Variants in RAPGEF1 observed in about 807,000 individuals in gnomAD.
RAPGEF1 encodes CRK SH3-binding GNRP.
Under a neutral mutation model 143.3 loss-of-function variants are expected in RAPGEF1, and 33 were observed. The observed-to-expected ratio is 0.23, with a 90% CI of 0.17 to 0.31. The LOEUF (loss-of-function observed/expected upper bound fraction) is 0.31, where lower values mean the gene tolerates loss of function less well. Ranked by LOEUF, RAPGEF1 falls within the 10% of genes least tolerant of loss-of-function variation. RAPGEF1 has a pLI of 1.00. For missense variants in RAPGEF1, 1,199 were observed against 1,645.4 expected, an observed-to-expected ratio of 0.73 and a Z score of 4.69; for synonymous variants, 629 against 676.5, an observed-to-expected ratio of 0.93 and a Z score of 1.09.
At position 131,650,861 on chromosome 9, in the gene RAPGEF1, C is replaced by G; in HGVS notation, c.150G>C (p.Lys50Asn). The change falls in exon 2 of 27, where the codon AAG (lysine) becomes AAC (asparagine). Residue 50 changes from lysine to asparagine, a missense_variant. Physicochemically the swap from Lys to Asn is moderately conservative, Grantham distance 94 (BLOSUM62 0). This residue lies in a region of RAPGEF1 where 613 missense variants were observed against 710.9 expected (regional missense o/e 0.86). Transcript: ENST00000683357. This position sits in a 1 kb window ranked among gnomAD's most constrained non-coding sequence, Gnocchi z 4.7. ...SPKIKRTPSK[K>N]GKPAEVSVKI... Reference sequence around the variant, plus strand: ...TTACGGACACCTCAGCTGGTTTTCCCTTCTTTGATGGCGTTCTCTTGATTT... The same window carrying G: ...TTACGGACACCTCAGCTGGTTTTCCGTTCTTTGATGGCGTTCTCTTGATTT... 6.2e-7 allele frequency: 1 copy of G among 1,613,962 alleles called. No homozygotes were observed. Among genetic ancestry groups the G allele is most frequent in the Non-Finnish European group, 8.5e-7 (1 of 1,179,846 alleles).
At chr9:131,706,512 C>T (rs947293906) in intron 1 of RAPGEF1, among the ~76,000 whole-genome samples, 2 of 152,128 alleles carry the variant, frequency 1.3e-5, no homozygotes, top group East Asian at 3.9e-4. Context: ...TCAAGTGATC[C>T]GCCTGCCTCG....
intron 1 of RAPGEF1, among the ~76,000 whole-genome samples, chr9:131,713,177 C>T (rs1252090875): frequency 6.6e-6 from 1 of 152,166 alleles, no homozygotes; most frequent in Non-Finnish European, 1.5e-5. Flanking sequence ...CCAAGCCTTG[C>T]ACAAATACGC....
At chr9:131,665,063 T>C (rs1000123182) in intron 1 of RAPGEF1, among the ~76,000 whole-genome samples, 1 of 152,190 alleles carries the variant, frequency 6.6e-6, no homozygotes, top group African/African-American at 2.4e-5. Flanking sequence ...TGTCGGCATA[T>C]ACACAGTATA....
chr9:131,735,496 G>A (rs1015191811), intron 1 of RAPGEF1, among the ~76,000 whole-genome samples: 2 of 152,188 alleles, frequency 1.3e-5, no homozygotes, highest in Admixed American at 6.5e-5. Flanking sequence ...CAGGCAGCAC[G>A]ACATCTGCTG....
At chr9:131,604,873 C>T in intron 13 of RAPGEF1, 58 bp downstream of exon 13, 3 of 1,242,176 alleles carry the variant, frequency 2.4e-6, no homozygotes, top group Non-Finnish European at 3.1e-6. Flanking sequence ...AACGTGCAGC[C>T]CCATGTGCAG....
rs890694080 is a variant in RAPGEF1, at chr9:131,584,999, G to T, written c.3234-403C>A. On this transcript the variant is annotated intron_variant, in intron 22 of 26. Transcript: ENST00000683357. The surrounding 1 kb of genome is among the most constrained non-coding windows in gnomAD (Gnocchi z 6.8). ...AGACCCGCTAGCACGTGAGGTAAGA[G>T]GTCACCTTGGGCAGCCACGAGGGAA... 2.0e-5 allele frequency among the ~76,000 whole-genome samples: 3 copies of T among 152,172 alleles called. No individual in the cohort carries two copies. Among genetic ancestry groups the T allele is most frequent in the African/African-American group, 7.2e-5 (3 of 41,430 alleles).
At position 131,587,763 on chromosome 9, in the gene RAPGEF1, G is replaced by A. The variant is rs778299269; in HGVS notation, c.3206C>T (p.Thr1069Met). Reference protein sequence around the residue: ...EEKSPNLTQFTEHFNNMSYWV... With the variant: ...EEKSPNLTQFMEHFNNMSYWV... ...GTAGGACATGTTGTTGAAGTGCTCC[G>A]TGAACTGGGTCAAGTTGGGGCTCTT... Residue 1069 changes from threonine to methionine, a missense_variant, in exon 22 of 27, where the codon ACG becomes ATG. Thr to Met is a moderately conservative substitution (Grantham distance 81). Around this residue, in one of 6 missense-constraint regions of RAPGEF1, gnomAD observed 209 missense variants for 403.0 expected, o/e 0.52. Coordinates refer to ENST00000683357, the MANE Select transcript of RAPGEF1 (RefSeq NM_001377935.1). The A allele has an allele frequency of 1.2e-6, 2 of 1,613,710 alleles. No individual in the cohort carries two copies. Among genetic ancestry groups the A allele is most frequent in the South Asian group, 1.1e-5 (1 of 90,988 alleles).
At chr9:131,657,019 C>T (rs1054643546) in intron 1 of RAPGEF1, among the ~76,000 whole-genome samples, 2 of 152,214 alleles carry the variant, frequency 1.3e-5, no homozygotes, top group Non-Finnish European at 1.5e-5. Context: ...CGCTGGAAAT[C>T]GAGGACAGCA....
intron 18 of RAPGEF1, among the ~76,000 whole-genome samples, chr9:131,591,269 G>A (rs1375090158): frequency 6.6e-6 from 1 of 152,202 alleles, no homozygotes; most frequent in Non-Finnish European, 1.5e-5. Flanking sequence ...GTGGAGCAGT[G>A]AAGGCTCAGG....
intron 12 of RAPGEF1, among the ~76,000 whole-genome samples, chr9:131,607,273 T>A (rs1236902644): frequency 6.6e-6 from 1 of 152,158 alleles, no homozygotes; most frequent in African/African-American, 2.4e-5. Context: ...ATATCCTTCT[T>A]TCAGGAGCTC....
chr9:131,694,710 T>C (rs968323294), intron 1 of RAPGEF1, among the ~76,000 whole-genome samples: 3 of 152,046 alleles, frequency 2.0e-5, no homozygotes, highest in Non-Finnish European at 4.4e-5. Context: ...GACACTCTCT[T>C]TAGCTCTGCA....
chr9:131,694,126 G>A (rs1833969381), intron 1 of RAPGEF1, among the ~76,000 whole-genome samples: 1 of 151,638 alleles, frequency 6.6e-6, no homozygotes, highest in African/African-American at 2.4e-5. Flanking sequence ...CCTCCCCAAG[G>A]GCCCACCTCA....
chr9:131,647,204 A>T (rs1355153213), intron 3 of RAPGEF1, among the ~76,000 whole-genome samples: 1 of 152,242 alleles, frequency 6.6e-6, no homozygotes, highest in African/African-American at 2.4e-5. Flanking sequence ...AAATTCACTA[A>T]GAAGATGCAA....
chr9:131,672,815 AG>A (rs1362295887), intron 1 of RAPGEF1, among the ~76,000 whole-genome samples: 1 of 151,924 alleles, frequency 6.6e-6, no homozygotes, highest in Non-Finnish European at 1.5e-5. Context: ...GTAGGGTAAG[AG>A]GGGGTGACCA....
In RAPGEF1 at chr9:131,709,676, T is replaced by A. The variant is rs372127164; in HGVS notation, c.61+30094A>T. ...CAAGGGCTTCTGTTTTTCAATAGCA[T>A]TGCCCATTTTAAAGCCAGAGGACAC... On this transcript the variant is annotated intron_variant, in intron 1 of 26. Coordinates refer to ENST00000683357, the MANE Select transcript of RAPGEF1 (RefSeq NM_001377935.1). 5 of 1,613,986 alleles carry A rather than the reference T, an allele frequency of 3.1e-6. No homozygotes were observed. The South Asian group carries it at 5.5e-5, about 18-fold the overall frequency.
In RAPGEF1 at chr9:131,628,191, A is replaced by G; in HGVS notation, c.1018-95T>C. On this transcript the variant is annotated intron_variant, in intron 8 of 26. Transcript: ENST00000683357. The surrounding 1 kb of genome is among the most constrained non-coding windows in gnomAD (Gnocchi z 5.7). ...AACCGGTGCATTTACTTAGAGAAGG[A>G]AATACTGCCAGGCGAACTCAGAAAC... 8.4e-7 allele frequency: 1 copy of G among 1,194,514 alleles called. No homozygotes were observed. The highest frequency in any genetic ancestry group is 1.6e-5 in the South Asian group (1 of 62,454). The allele number at this position is 1,194,514 out of a possible 1,614,324, so 74.0% of individuals were successfully genotyped here. A position where few individuals can be genotyped will look rare whatever the true frequency, so the allele number is the denominator to read the frequency against.
rs149443422 is a variant in RAPGEF1 at position 131,700,693 on chromosome 9, C to T, written c.61+39077G>A. On this transcript the variant is annotated intron_variant, in intron 1 of 26. Transcript: ENST00000683357. ...AGCCTCTATAGTCAATCATGAGGTTCTACAAACCTTCCACTGTCTGTTTTC... is the reference window on the plus strand; with the variant it reads ...AGCCTCTATAGTCAATCATGAGGTTTTACAAACCTTCCACTGTCTGTTTTC... Among the ~76,000 whole-genome samples, 553 of 152,178 alleles carry T rather than the reference C, an allele frequency of 3.6e-3. 1 individual carries two copies. Among genetic ancestry groups the T allele is most frequent in the Non-Finnish European group, 6.8e-3 (460 of 68,004 alleles).
intron 1 of RAPGEF1, among the ~76,000 whole-genome samples, chr9:131,661,953 C>T (rs1053795489): frequency 6.6e-6 from 1 of 152,158 alleles, no homozygotes; most frequent in Non-Finnish European, 1.5e-5. Flanking sequence ...ATGAAAAATT[C>T]TAGGAACTTA....
At chr9:131,625,548 A>C (rs982282037) in intron 10 of RAPGEF1, among the ~76,000 whole-genome samples, 27 of 101,388 alleles carry the variant, frequency 2.7e-4, no homozygotes, top group African/African-American at 9.7e-4. Flanking sequence ...GCTGAAATTC[A>C]CGTATCCACC....
Sources: gnomAD v4.1 joint callset for allele counts (sites outside exome capture counted in the v4.1 genomes callset) on GRCh38, gnomAD v4.1.1 for gene constraint, gnomAD v4.1.1 regional missense constraint, Gnocchi (gnomAD v3.1) non-coding constraint, MANE v1.5 for transcripts, NCBI Gene and HGNC (gene_info 2026-07-23, HGNC 2026-07-21) for gene names.